ZCCHC24: variants seen among roughly 807,000 people sequenced by gnomAD.
ZCCHC24 encodes zinc finger CCHC-type containing 24.
In ZCCHC24, 10 loss-of-function variants were observed where a neutral mutation model predicts 26.2. The ratio of observed to expected loss-of-function variants is 0.38; its 90% confidence interval spans 0.24 to 0.65. The LOEUF is 0.65. Among genes scored for constraint, ZCCHC24 ranks in the 30% least tolerant of loss-of-function variants. The pLI, the probability that ZCCHC24 is intolerant of heterozygous loss-of-function variation, is 0.54. For missense variants in ZCCHC24, 243 were observed against 329.1 expected (o/e 0.74, Z 2.03); for synonymous variants, 144 against 147.1 (o/e 0.98, Z 0.15).
At chr10:79,414,258 TC>T (rs1297221945) in intron 2 of ZCCHC24, among the ~76,000 whole-genome samples, 6 of 152,256 alleles carry the variant, frequency 3.9e-5, no homozygotes, top group Non-Finnish European at 8.8e-5. Context: ...TAGCTTAAGT[TC>T]TTGGAGTCTC....
At chr10:79,399,472 C>T (rs1033640204) in intron 2 of ZCCHC24, among the ~76,000 whole-genome samples, 20 of 152,260 alleles carry the variant, frequency 1.3e-4, no homozygotes, top group African/African-American at 4.8e-4. Flanking sequence ...CCACGTACCC[C>T]TCTGGGGGAT....
At chr10:79,393,990 A>C (rs1856511466) in intron 3 of ZCCHC24, among the ~76,000 whole-genome samples, 1 of 152,158 alleles carries the variant, frequency 6.6e-6, no homozygotes, top group Non-Finnish European at 1.5e-5. Context: ...CAAGGAAGGA[A>C]ATTTGAGTTT....
At chr10:79,428,231 T>C (rs949567352) in intron 2 of ZCCHC24, among the ~76,000 whole-genome samples, 1 of 152,196 alleles carries the variant, frequency 6.6e-6, no homozygotes, top group African/African-American at 2.4e-5. Context: ...TGGATGAAAC[T>C]TGAGGAAATT....
At chr10:79,429,025 C>T (rs1857089414) in intron 2 of ZCCHC24, among the ~76,000 whole-genome samples, 1 of 152,224 alleles carries the variant, frequency 6.6e-6, no homozygotes, top group South Asian at 2.1e-4. Flanking sequence ...GCGCAGACGG[C>T]ATCGCAGGTG....
chr10:79,433,077 G>T (rs1219750655), intron 1 of ZCCHC24, among the ~76,000 whole-genome samples: 1 of 152,226 alleles, frequency 6.6e-6, no homozygotes, highest in Non-Finnish European at 1.5e-5. Flanking sequence ...AAATGGCAAT[G>T]ATGTTGATGA....
intron 2 of ZCCHC24, among the ~76,000 whole-genome samples, chr10:79,417,101 A>C (rs948382430): frequency 1.3e-5 from 2 of 152,186 alleles, no homozygotes; most frequent in African/African-American, 4.8e-5. Context: ...CCCCGGGATC[A>C]CAATCAAAAG....
chr10:79,438,395 G>A (rs1021663881), intron 1 of ZCCHC24, among the ~76,000 whole-genome samples: 4 of 152,174 alleles, frequency 2.6e-5, no homozygotes, highest in African/African-American at 4.8e-5. Flanking sequence ...GACACCAGCC[G>A]GTCTCAGGGA....
In ZCCHC24 at chr10:79,432,731, C is replaced by A. The variant is rs775068470; in HGVS notation, c.274G>T (p.Ala92Ser). The A allele has an allele frequency of 1.2e-6, 2 of 1,608,132 alleles. No homozygotes were observed. Among genetic ancestry groups the A allele is most frequent in the African/African-American group, 1.3e-5 (1 of 74,500 alleles). ...EALSNSVYKG[A>S]SPYGSLNNIA... ...TTGTTGAGGGAGCCATAGGGTGAGG[C>A]GCCCTTGTACACACTGTTGCTCAGC... Residue 92 changes from alanine to serine, a missense_variant, in exon 2 of 4, where the codon GCC (alanine) becomes TCC (serine). Ala to Ser is a moderately conservative substitution (Grantham distance 99, BLOSUM62 1). Transcript: ENST00000372336.
At chr10:79,444,879 G>A (rs376246112) in intron 1 of ZCCHC24, among the ~76,000 whole-genome samples, 5 of 152,202 alleles carry the variant, frequency 3.3e-5, no homozygotes, top group Admixed American at 1.3e-4. Context: ...AGAAAATCCG[G>A]AGACAACCCC....
At chr10:79,437,308 C>T (rs546784036) in intron 1 of ZCCHC24, among the ~76,000 whole-genome samples, 1 of 152,346 alleles carries the variant, frequency 6.6e-6, no homozygotes, top group South Asian at 2.1e-4. Flanking sequence ...CTGCCTCAGC[C>T]TCCCAAAATG....
chr10:79,433,189 G>A (rs1462556175), intron 1 of ZCCHC24, among the ~76,000 whole-genome samples: 3 of 152,210 alleles, frequency 2.0e-5, no homozygotes, highest in South Asian at 2.1e-4. Flanking sequence ...CCACTAACTG[G>A]TGGGGTGACT....
intron 2 of ZCCHC24, among the ~76,000 whole-genome samples, chr10:79,407,383 C>T (rs960207015): frequency 1.1e-4 from 16 of 152,244 alleles, no homozygotes; most frequent in Middle Eastern, 3.2e-3. Flanking sequence ...CGGCTGTGCT[C>T]GTCTTTCTGA....
At chr10:79,414,443 C>G (rs566757739) in intron 2 of ZCCHC24, among the ~76,000 whole-genome samples, 1 of 152,192 alleles carries the variant, frequency 6.6e-6, no homozygotes, top group Non-Finnish European at 1.5e-5. Context: ...AAAACCAGAA[C>G]ACTCAAGTGT....
At chr10:79,409,662 G>A (rs1168810855) in intron 2 of ZCCHC24, among the ~76,000 whole-genome samples, 9 of 152,332 alleles carry the variant, frequency 5.9e-5, no homozygotes, top group Admixed American at 3.3e-4. Flanking sequence ...GCAGCGGCCT[G>A]GCAACTTCCT....
intron 2 of ZCCHC24, chr10:79,403,672 C>T (rs1856669601): frequency 1.1e-6 from 1 of 903,550 alleles, no homozygotes; most frequent in Non-Finnish European, 1.3e-6. Flanking sequence ...CCAGGGCCCC[C>T]TCCCCTCTTC....
chr10:79,389,714 C>T (rs369078154), intron 3 of ZCCHC24, among the ~76,000 whole-genome samples: 3 of 151,780 alleles, frequency 2.0e-5, no homozygotes, highest in East Asian at 1.9e-4. Flanking sequence ...CTCCTGGGTT[C>T]GAGTGATTCT....
intron 2 of ZCCHC24, among the ~76,000 whole-genome samples, chr10:79,415,951 G>C (rs370376603): frequency 3.7e-4 from 57 of 152,132 alleles, no homozygotes; most frequent in Non-Finnish European, 4.4e-5. Context: ...GTTTCCCATG[G>C]GTGATGGGGG....
chr10:79,421,292 C>T (rs1370542242), intron 2 of ZCCHC24, among the ~76,000 whole-genome samples: 1 of 152,194 alleles, frequency 6.6e-6, no homozygotes, highest in Non-Finnish European at 1.5e-5. Context: ...GGCCCCTTGG[C>T]CAGCCAGCCC....
chr10:79,398,475 A>G (rs539293047), intron 2 of ZCCHC24, among the ~76,000 whole-genome samples: 51 of 152,264 alleles, frequency 3.3e-4, no homozygotes, highest in Middle Eastern at 6.8e-3. Flanking sequence ...TGCCTGCACT[A>G]GGAGAGGGAG....
Sources: allele counts gnomAD v4.1 joint callset (sites outside exome capture counted in the v4.1 genomes callset), GRCh38; gene constraint gnomAD v4.1.1; transcripts MANE v1.5; gene names NCBI Gene and HGNC (gene_info 2026-07-23, HGNC 2026-07-21).